Variants in ZNF766 observed in about 807,000 individuals in gnomAD.
The protein encoded by ZNF766 is zinc finger protein 766.
A neutral mutation model predicts 13.2 loss-of-function variants in ZNF766; 13 were observed. That is an observed-to-expected ratio of 0.98 (90% CI 0.64 to 1.56). The LOEUF (loss-of-function observed/expected upper bound fraction) is 1.56. ZNF766 is among the 40% of genes most tolerant of loss of function. The pLI is 0.00. For synonymous variants in ZNF766, 178 were observed against 187.6 expected, an observed-to-expected ratio of 0.95 and a Z score of 0.42; for missense variants, 521 against 552.2, an observed-to-expected ratio of 0.94 and a Z score of 0.57.
At chr19:52,289,459 TA>T (rs1339080410) in intron 3 of ZNF766, among the ~76,000 whole-genome samples, 1 of 152,048 alleles carries the variant, frequency 6.6e-6, no homozygotes, top group Non-Finnish European at 1.5e-5. Context: ...CAGCTGCTCA[TA>T]AGTGTCTTAT....
chr19:52,285,980 G>A (rs75120229), intron 3 of ZNF766, among the ~76,000 whole-genome samples: 2,653 of 152,184 alleles, frequency 0.017, 89 homozygotes, highest in African/African-American at 0.06. Flanking sequence ...AGCCTGGAAC[G>A]TGTCCTCCCT....
At position 52,282,177 on chromosome 19, in the gene ZNF766, G is replaced by C. The variant is rs1981561334; in HGVS notation, c.85G>C (p.Val29Leu). The C allele has an allele frequency of 6.2e-7, 1 of 1,606,262 alleles. No homozygotes were observed. The highest frequency in any genetic ancestry group is 1.3e-5 in the African/African-American group (1 of 74,738). ...SQEEWKCLDP[V>L]QKALYRDVML... is the part of the protein sequence containing the mutation. ...GGAGGAGTGGAAATGCCTGGACCCTGTGCAGAAGGCTTTATACAGGGATGT... is the reference window on the plus strand; with the variant it reads ...GGAGGAGTGGAAATGCCTGGACCCTCTGCAGAAGGCTTTATACAGGGATGT... The change falls in exon 2 of 4, where the codon GTG (valine) becomes CTG (leucine). Residue 29 changes from valine to leucine, a missense_variant. Val to Leu is a conservative substitution (Grantham distance 32). Coordinates refer to ENST00000439461, the MANE Select transcript of ZNF766 (RefSeq NM_001010851.3).
intron 1 of ZNF766, chr19:52,281,863 A>G (rs773425854): frequency 9.3e-6 from 5 of 535,718 alleles, no homozygotes; most frequent in South Asian, 1.5e-5. Context: ...AGACACTTGT[A>G]TGCTAGCTCA....
At chr19:52,269,706 C>T in intron 1 of ZNF766, 75 bp downstream of exon 1, 8 of 1,561,238 alleles carry the variant, frequency 5.1e-6, no homozygotes, top group South Asian at 1.1e-5. Flanking sequence ...ATGTGGGGGG[C>T]GGTACAGACC....
Position 52,290,081 on chromosome 19 carries a change from T to G in ZNF766, c.290T>G (p.Val97Gly). ...GCTTTCCTAGGGAGGAGCTGTGCAG[T>G]GAGAAGCAAAGCAGGAAACAAGCCT... Reference protein sequence around the residue: ...KDINTGRSCAVRSKAGNKPIT... With the variant: ...KDINTGRSCAGRSKAGNKPIT... The change falls in exon 4 of 4, where the codon GTG (valine) becomes GGG (glycine). Residue 97 changes from valine to glycine, a missense_variant. Val to Gly is a moderately radical substitution (Grantham distance 109, BLOSUM62 -3). Coordinates refer to ENST00000439461, the MANE Select transcript of ZNF766 (RefSeq NM_001010851.3). 2 of 1,610,888 alleles carry G rather than the reference T, an allele frequency of 1.2e-6. No individual in the cohort carries two copies. The highest frequency in any genetic ancestry group is 1.7e-6 in the Non-Finnish European group (2 of 1,177,968).
At chr19:52,273,745 C>T (rs1284384291) in intron 1 of ZNF766, among the ~76,000 whole-genome samples, 1 of 152,212 alleles carries the variant, frequency 6.6e-6, no homozygotes. Context: ...TTTCTTTCTG[C>T]TCTTTTGCTG....
intron 1 of ZNF766, among the ~76,000 whole-genome samples, chr19:52,271,980 CAAAAAAAAA>C (rs371229113): frequency 1.0e-4 from 9 of 89,196 alleles, no homozygotes; most frequent in African/African-American, 3.4e-4. Context: ...GAGACTGTCT[CAAAAAAAAA>C]AAAAAAAAAA....
At position 52,291,674 on chromosome 19, in the gene ZNF766, G is replaced by A. The variant is rs548373939; in HGVS notation, c.*476G>A. The stretch of plus-strand genomic sequence containing the variant: ...CTCGGGAGGCTGAGGCAGGAGAATT[G>A]CTTGAATCCAGGAGGCAGAGGTTGT... On this transcript the variant is annotated 3_prime_UTR_variant, in exon 4 of 4. Coordinates refer to ENST00000439461, the MANE Select transcript of ZNF766 (RefSeq NM_001010851.3). 2.9e-4 allele frequency: 47 copies of A among 160,320 alleles called. No homozygotes were observed. The highest frequency in any genetic ancestry group is 4.8e-4 in the Non-Finnish European group (35 of 73,408). The allele number at this position is 160,320 out of a possible 1,614,324, so 9.9% of individuals were successfully genotyped here. A position where few individuals can be genotyped will look rare whatever the true frequency, so the allele number is the denominator to read the frequency against.
At chr19:52,283,726 G>A (rs1247581666) in intron 3 of ZNF766, among the ~76,000 whole-genome samples, 3 of 152,064 alleles carry the variant, frequency 2.0e-5, no homozygotes, top group East Asian at 3.9e-4. Context: ...CTTTATGTAT[G>A]TATGTATGTA....
rs962021599 is a variant in ZNF766, at chr19:52,282,400, C to T, written c.145+163C>T. On this transcript the variant is annotated intron_variant, in intron 2 of 3. Coordinates refer to ENST00000439461, the MANE Select transcript of ZNF766 (RefSeq NM_001010851.3). ...CCTGTAATCCCAGCACTTTGGGAGG[C>T]TGAGGTGGGTGGATTGCTTGAGGTC... is the stretch of plus-strand genomic sequence containing the variant. 5.3e-6 allele frequency: 4 copies of T among 751,860 alleles called. No individual in the cohort carries two copies. The East Asian group carries it at 1.6e-4, about 31-fold the overall frequency. The allele number at this position is 751,860 out of a possible 1,614,324, so 46.6% of individuals were successfully genotyped here.
intron 3 of ZNF766, among the ~76,000 whole-genome samples, chr19:52,289,831 T>A (rs1310925692): frequency 6.6e-6 from 1 of 152,028 alleles, no homozygotes; most frequent in Non-Finnish European, 1.5e-5. Flanking sequence ...AAACCCCGTC[T>A]CTACTAAAAA....
chr19:52,277,804 C>T (rs1981286359), intron 1 of ZNF766, among the ~76,000 whole-genome samples: 1 of 151,956 alleles, frequency 6.6e-6, no homozygotes, highest in South Asian at 2.1e-4. Flanking sequence ...GGTGAGGGCC[C>T]CGTGGTGTCA....
Position 52,291,444 on chromosome 19 carries a change from A to G in ZNF766, c.*246A>G, listed in dbSNP as rs1240122429. 2.3e-6 allele frequency: 1 copy of G among 426,190 alleles called. No individual in the cohort carries two copies. The highest frequency in any genetic ancestry group is 2.0e-5 in the African/African-American group (1 of 49,632). 26.4% of individuals were successfully genotyped at this position (426,190 alleles called of 1,614,324 possible). Reference sequence around the variant, plus strand: ...AAGGGTGCAAGGACACGTGGAAATGATCTGTAATATTCGGGTTATTAAAAA... The same window carrying G: ...AAGGGTGCAAGGACACGTGGAAATGGTCTGTAATATTCGGGTTATTAAAAA... On this transcript the variant is annotated 3_prime_UTR_variant, in exon 4 of 4. Transcript: ENST00000439461.
chr19:52,295,090 A>G lies in ZNF766; in HGVS notation c.*3892A>G, dbSNP rs1475637614. ...TCATTTTCAACTCTAATAAAATTAT[A>G]TTTTGTGTTTATATATGCACGTATA... On this transcript the variant is annotated 3_prime_UTR_variant, in exon 4 of 4. Transcript: ENST00000439461. The G allele has an allele frequency of 6.6e-6, 1 of 151,338 alleles. No individual in the cohort carries two copies. The highest frequency in any genetic ancestry group is 1.9e-4 in the East Asian group (1 of 5,156). The allele number at this position is 151,338 out of a possible 1,614,324, so 9.4% of individuals were successfully genotyped here.
chr19:52,282,426 A>G (rs748377714), intron 2 of ZNF766, 189 bp downstream of exon 2: 2 of 509,016 alleles, frequency 3.9e-6, no homozygotes, highest in Non-Finnish European at 6.5e-6. Context: ...GCTTGAGGTC[A>G]GGAGTTCGAG....
chr19:52,289,857 T>C lies in ZNF766; in HGVS notation c.275-209T>C, dbSNP rs530096667. 1.7e-3 allele frequency among the ~76,000 whole-genome samples: 258 copies of C among 152,142 alleles called. 1 individual carries two copies. Among genetic ancestry groups the C allele is most frequent in the Non-Finnish European group, 3.0e-3 (204 of 67,994 alleles). ...CTACTAAAAATACAAAAAAATTAGC[T>C]GGGCGTGGTGGCGGACGCCTGTAGT... is the stretch of plus-strand genomic sequence containing the variant. On this transcript the variant is annotated intron_variant, in intron 3 of 3. Coordinates refer to ENST00000439461, the MANE Select transcript of ZNF766 (RefSeq NM_001010851.3).
In ZNF766 at chr19:52,292,997, G is replaced by A. The variant is rs1333249453; in HGVS notation, c.*1799G>A. Reference sequence around the variant, plus strand: ...CACCCCCCGACAGGCCCCGGTGTGTGATGTTACCCGCCTTGTGTCCAGGTG... The same window carrying A: ...CACCCCCCGACAGGCCCCGGTGTGTAATGTTACCCGCCTTGTGTCCAGGTG... On this transcript the variant is annotated 3_prime_UTR_variant, in exon 4 of 4. Coordinates refer to ENST00000439461, the MANE Select transcript of ZNF766 (RefSeq NM_001010851.3). The A allele has an allele frequency of 6.6e-6, 1 of 151,850 alleles. No individual in the cohort carries two copies. 9.4% of individuals were successfully genotyped at this position (151,850 alleles called of 1,614,324 possible). A position where few individuals can be genotyped will look rare whatever the true frequency, so the allele number is the denominator to read the frequency against.
At chr19:52,284,927 G>T (rs987437006) in intron 3 of ZNF766, 1 of 152,068 alleles carries the variant, frequency 6.6e-6, no homozygotes, top group Non-Finnish European at 1.5e-5. Context: ...GCATGTGGAA[G>T]CTCTCAGGAA....
At chr19:52,282,434 G>C in intron 2 of ZNF766, 197 bp downstream of exon 2, 1 of 446,658 alleles carries the variant, frequency 2.2e-6, no homozygotes, top group Non-Finnish European at 3.8e-6. Context: ...TCAGGAGTTC[G>C]AGACCAACCT....
Sources: gnomAD v4.1 joint callset for allele counts (sites outside exome capture counted in the v4.1 genomes callset) on GRCh38, gnomAD v4.1.1 for gene constraint, MANE v1.5 for transcripts, NCBI Gene and HGNC (gene_info 2026-07-23, HGNC 2026-07-21) for gene names.